Variants in GRM7 observed in about 807,000 individuals in gnomAD.
The protein encoded by GRM7 is glutamate metabotropic receptor 7.
In GRM7, 35 loss-of-function variants were observed where a neutral mutation model predicts 84.5. The observed-to-expected ratio is 0.41, with a 90% CI of 0.32 to 0.55. GRM7 has a LOEUF of 0.55. GRM7 is among the 20% of genes least tolerant of loss of function. GRM7 has a pLI of 0.19. For synonymous variants in GRM7, 487 were observed against 455.1 expected (o/e 1.07, Z -0.89); for missense variants, 1,003 against 1,194.6 (o/e 0.84, Z 2.36).
chr3:7,394,052 A>T (rs1401494809), intron 4 of GRM7, among the ~76,000 whole-genome samples: 1 of 152,172 alleles, frequency 6.6e-6, no homozygotes, highest in East Asian at 1.9e-4. Flanking sequence ...TTAAGTCATT[A>T]TCATTCTTCG....
chr3:7,724,498 A>G (rs1395022219), intron 9 of GRM7, among the ~76,000 whole-genome samples: 3 of 152,172 alleles, frequency 2.0e-5, no homozygotes, highest in Non-Finnish European at 4.4e-5. Context: ...TTTCCCGATT[A>G]GGTAACTAGA....
chr3:6,991,917 A>G (rs1694650693), intron 1 of GRM7, among the ~76,000 whole-genome samples: 1 of 152,148 alleles, frequency 6.6e-6, no homozygotes, highest in South Asian at 2.1e-4. Context: ...CCCTTTGACT[A>G]ACATCTCCCT....
chr3:7,025,450 T>C (rs1376217209), intron 1 of GRM7, among the ~76,000 whole-genome samples: 5 of 152,114 alleles, frequency 3.3e-5, no homozygotes, highest in Non-Finnish European at 7.4e-5. Context: ...ACAGCGTGAG[T>C]AGGTGACTAT....
intron 7 of GRM7, among the ~76,000 whole-genome samples, chr3:7,473,356 A>C (rs994723176): frequency 6.6e-6 from 1 of 152,136 alleles, no homozygotes; most frequent in African/African-American, 2.4e-5. Context: ...ACATGCTTGT[A>C]GTCCTAGCTA....
At chr3:7,723,656 C>T (rs1170951139) in intron 9 of GRM7, among the ~76,000 whole-genome samples, 2 of 152,024 alleles carry the variant, frequency 1.3e-5, no homozygotes, top group Admixed American at 1.3e-4. Context: ...CAACACGAGC[C>T]TCGGTAACAT....
intron 9 of GRM7, among the ~76,000 whole-genome samples, chr3:7,685,789 A>T (rs937886828): frequency 1.4e-5 from 2 of 138,954 alleles, no homozygotes; most frequent in Non-Finnish European, 3.1e-5. Flanking sequence ...TATGTTATTT[A>T]AAAAAAAAAA....
chr3:6,943,166 T>G (rs1421007590), intron 1 of GRM7, among the ~76,000 whole-genome samples: 1 of 151,950 alleles, frequency 6.6e-6, no homozygotes. Context: ...CATATCTTTT[T>G]GTTTTCTTAC....
chr3:6,917,971 T>C (rs753833074), intron 1 of GRM7, among the ~76,000 whole-genome samples: 1 of 152,226 alleles, frequency 6.6e-6, no homozygotes, highest in Admixed American at 6.5e-5. Context: ...TTGTATGGTT[T>C]AGCTGCACAA....
rs34508559 is a variant in GRM7 at position 7,516,476 on chromosome 3, C to CAAAAAAAAAAAA, written c.1515+54772_1515+54783dup. Among the ~76,000 whole-genome samples, 47 of 42,474 alleles carry CAAAAAAAAAAAA rather than the reference C, an allele frequency of 1.1e-3. 1 individual carries two copies. Among genetic ancestry groups the CAAAAAAAAAAAA allele is most frequent in the East Asian group, 2.0e-3 (1 of 490 alleles). 27.9% of individuals were successfully genotyped at this position (42,474 alleles called of 152,430 possible). ...TGGGCGGCAGAGCGAGACTCCCTCT[C>CAAAAAAAAAAAA]AAAAAAAAAAAAAAAAAAAAAAAAA... On this transcript the variant is annotated intron_variant, in intron 7 of 9. Coordinates refer to ENST00000357716, the MANE Select transcript of GRM7 (RefSeq NM_000844.4).
chr3:7,453,807 A>C (rs35668984), intron 6 of GRM7, among the ~76,000 whole-genome samples: 7,336 of 152,218 alleles, frequency 0.048, 244 homozygotes, highest in South Asian at 0.075. Flanking sequence ...CTAATAGGCT[A>C]AGCGGGAATA....
chr3:7,554,761 A>C (rs1693679307), intron 7 of GRM7, among the ~76,000 whole-genome samples: 1 of 152,192 alleles, frequency 6.6e-6, no homozygotes, highest in East Asian at 1.9e-4. Flanking sequence ...CCTTCTCTAT[A>C]ATCAGCAGGT....
chr3:7,502,304 C>T (rs1266690177), intron 7 of GRM7, among the ~76,000 whole-genome samples: 1 of 152,118 alleles, frequency 6.6e-6, no homozygotes, highest in Non-Finnish European at 1.5e-5. Flanking sequence ...GGATATATTC[C>T]TGTTTTAATA....
chr3:7,132,416 C>T lies in GRM7; in HGVS notation c.520-14036C>T, dbSNP rs543108492. Among the ~76,000 whole-genome samples the T allele has an allele frequency of 2.6e-5, 4 of 152,138 alleles. No individual in the cohort carries two copies. In the South Asian group the frequency reaches 8.3e-4, roughly 32 times the overall value. The stretch of plus-strand genomic sequence containing the variant: ...CTCATTAATTACTATATCTGCAGTG[C>T]CTCAAATATACAAATTTTAAAAAGA... On this transcript the variant is annotated intron_variant, in intron 1 of 9. Coordinates refer to ENST00000357716, the MANE Select transcript of GRM7 (RefSeq NM_000844.4).
At chr3:6,922,950 A>G (rs339013) in intron 1 of GRM7, among the ~76,000 whole-genome samples, 32,796 of 152,172 alleles carry the variant, frequency 0.22, 3,613 homozygotes, top group East Asian at 0.32. Flanking sequence ...GGCCACTGAC[A>G]GGAATAAAGT....
intron 2 of GRM7, among the ~76,000 whole-genome samples, chr3:7,254,124 C>G (rs142688811): frequency 1.1e-4 from 17 of 152,298 alleles, no homozygotes; most frequent in Admixed American, 3.9e-4. Flanking sequence ...TCACAGCTAA[C>G]TTCAGCAAGG....
At chr3:6,995,270 A>G (rs1694790449) in intron 1 of GRM7, among the ~76,000 whole-genome samples, 1 of 152,238 alleles carries the variant, frequency 6.6e-6, no homozygotes, top group Non-Finnish European at 1.5e-5. Context: ...AGGCAACATG[A>G]TCTCTATTCC....
chr3:7,271,816 A>C (rs7651771), intron 2 of GRM7, among the ~76,000 whole-genome samples: 82,229 of 151,454 alleles, frequency 0.54, 22,929 homozygotes, highest in African/African-American at 0.67. Flanking sequence ...TCAAGCAAGT[A>C]CTTCTCAACT....
chr3:7,000,376 A>T (rs926048689), intron 1 of GRM7, among the ~76,000 whole-genome samples: 6 of 151,926 alleles, frequency 3.9e-5, no homozygotes, highest in African/African-American at 1.5e-4. Flanking sequence ...TAGTAGAGAC[A>T]GGATTTCACC....
In GRM7 at chr3:7,320,345, A is replaced by T. The variant is rs138524342; in HGVS notation, c.1033+13693A>T. The stretch of plus-strand genomic sequence containing the variant: ...GCGATGAAAACCAAAAGAAAAAGGG[A>T]AACCTGTATATTTTATGCTAAGTAT... On this transcript the variant is annotated intron_variant, in intron 4 of 9. Transcript: ENST00000357716. 4.8e-3 allele frequency among the ~76,000 whole-genome samples: 725 copies of T among 152,162 alleles called. 5 individuals are homozygous for T. Among genetic ancestry groups the T allele is most frequent in the African/African-American group, 0.016 (681 of 41,550 alleles).
Sources: allele counts gnomAD v4.1 joint callset (sites outside exome capture counted in the v4.1 genomes callset), GRCh38; gene constraint gnomAD v4.1.1; transcripts MANE v1.5; gene names NCBI Gene and HGNC (gene_info 2026-07-23, HGNC 2026-07-21).